TMEM40: variants seen among roughly 807,000 people sequenced by gnomAD.
TMEM40 encodes the protein transmembrane protein 40.
TMEM40 carries 34 observed loss-of-function variants against 40.8 expected under a neutral mutation model. The observed-to-expected ratio is 0.83, with a 90% CI of 0.63 to 1.11. The LOEUF (loss-of-function observed/expected upper bound fraction) is 1.11, where lower values mean the gene tolerates loss of function less well. Among genes scored for constraint, TMEM40 ranks in the 50% least tolerant of loss-of-function variants. The probability of loss-of-function intolerance (pLI) is 0.00; values close to 1 mark genes in which losing one functional copy is unlikely to be tolerated. For synonymous variants in TMEM40, 106 were observed against 107.0 expected (o/e 0.99, Z 0.06); for missense variants, 296 against 280.2 (o/e 1.06, Z -0.40).
At chr3:12,754,437 G>C (rs1018542091) in intron 1 of TMEM40, among the ~76,000 whole-genome samples, 2 of 152,222 alleles carry the variant, frequency 1.3e-5, no homozygotes, top group African/African-American at 2.4e-5. Context: ...TGGAAGGAAA[G>C]AAAATAGTGC....
intron 1 of TMEM40, among the ~76,000 whole-genome samples, chr3:12,750,697 C>T (rs956245167): frequency 3.3e-5 from 5 of 152,188 alleles, no homozygotes; most frequent in African/African-American, 9.7e-5. Flanking sequence ...ATCCTCCCAC[C>T]GCAGCCTCCT....
At chr3:12,764,093 A>G (rs2061584288), upstream of TMEM40, among the ~76,000 whole-genome samples, 1 of 151,784 alleles carries the variant, frequency 6.6e-6, no homozygotes, top group Non-Finnish European at 1.5e-5. Context: ...TTGTATTTTT[A>G]GTAGAGACGG....
At chr3:12,748,074 G>A (rs1221967791) in intron 3 of TMEM40, among the ~76,000 whole-genome samples, 1 of 152,130 alleles carries the variant, frequency 6.6e-6, no homozygotes, top group Non-Finnish European at 1.5e-5. Flanking sequence ...CCTGGGAGGG[G>A]AAGACCATAA....
At chr3:12,744,069 C>T (rs2061407620) in intron 3 of TMEM40, 80 bp from the exon 4 acceptor site, 7 of 1,433,354 alleles carry the variant, frequency 4.9e-6, no homozygotes, top group Middle Eastern at 2.1e-4. Flanking sequence ...TGGCCATTCT[C>T]AGAATTTAGT....
rs56739791 is a variant in TMEM40, at chr3:12,753,211, CTTTTTTTTTT to C, written c.-8-3381_-8-3372del. 3.3e-4 allele frequency among the ~76,000 whole-genome samples: 25 copies of C among 76,308 alleles called. No homozygotes were observed. The South Asian group carries it at 7.8e-3, about 24-fold the overall frequency. The allele number at this position is 76,308 out of a possible 152,430, so 50.1% of individuals were successfully genotyped here. ...GCCTTTTTTCTTTCTTTCTTTCTTT[CTTTTTTTTTT>C]TTTTTTTTTTTTTTTGAGACAGGGT... On this transcript the variant is annotated intron_variant, in intron 1 of 11. Coordinates refer to ENST00000314124, the MANE Select transcript of TMEM40 (RefSeq NM_018306.4).
intron 1 of TMEM40, among the ~76,000 whole-genome samples, chr3:12,754,243 T>C (rs58350672): frequency 0.098 from 14,773 of 151,374 alleles, 741 homozygotes; most frequent in Middle Eastern, 0.11. Flanking sequence ...ACCCGGGAGG[T>C]GGAGCTGGCA....
intron 5 of TMEM40, among the ~76,000 whole-genome samples, chr3:12,741,767 CAA>C (rs59665318): frequency 0.34 from 42,110 of 125,624 alleles, 5,910 homozygotes; most frequent in Non-Finnish European, 0.4. Context: ...GTTTTTGTAA[CAA>C]AAAAAAAAAA....
At chr3:12,747,681 G>A (rs1032382631) in intron 3 of TMEM40, among the ~76,000 whole-genome samples, 4 of 151,974 alleles carry the variant, frequency 2.6e-5, no homozygotes, top group African/African-American at 9.7e-5. Flanking sequence ...AGGCCGAGGT[G>A]GGCAGATCAC....
At chr3:12,769,338 A>G (rs7619736) in exon 1 of TMEM40, 27,186 of 290,002 alleles carry the variant, frequency 0.094, 1,405 homozygotes, top group African/African-American at 0.13. Flanking sequence ...AGGGCTCCTC[A>G]AGTGCGGCCA....
Position 12,734,743 on chromosome 3 carries a change from G to C in TMEM40, c.*31C>G. The C allele has an allele frequency of 6.3e-7, 1 of 1,585,018 alleles. No homozygotes were observed. The highest frequency in any genetic ancestry group is 1.3e-5 in the African/African-American group (1 of 74,314). On this transcript the variant is annotated 3_prime_UTR_variant, in exon 12 of 12. Transcript: ENST00000314124. The stretch of plus-strand genomic sequence containing the variant: ...GGGTCGCAGTGGTGGTCACACTGGG[G>C]CCTGCCTCTGCTGCCCACCTGGAAG...
chr3:12,737,901 G>T (rs1027863157), intron 7 of TMEM40, 147 bp from the exon 8 acceptor site: 1 of 948,074 alleles, frequency 1.1e-6, no homozygotes, highest in Non-Finnish European at 1.7e-6. Flanking sequence ...AAACTGTGAA[G>T]ATGGGGGTAC....
At chr3:12,763,888 C>A (rs1318219996), upstream of TMEM40, among the ~76,000 whole-genome samples, 1 of 152,040 alleles carries the variant, frequency 6.6e-6, no homozygotes, top group Admixed American at 6.6e-5. Flanking sequence ...ACCCAGGAGC[C>A]TGGTTCTTTA....
chr3:12,742,568 C>G (rs1307489011), intron 4 of TMEM40, 61 bp from the exon 5 acceptor site: 1 of 1,583,338 alleles, frequency 6.3e-7, no homozygotes, highest in Non-Finnish European at 8.7e-7. Flanking sequence ...GGCCACTTCC[C>G]TCTCCCATGG....
upstream of TMEM40, among the ~76,000 whole-genome samples, chr3:12,760,332 G>A (rs2061560571): frequency 6.6e-6 from 1 of 152,086 alleles, no homozygotes; most frequent in Non-Finnish European, 1.5e-5. Context: ...TAAAACCCAA[G>A]GTCTTACAAG....
intron 1 of TMEM40, among the ~76,000 whole-genome samples, chr3:12,754,429 G>A (rs554073588): frequency 6.6e-6 from 1 of 152,360 alleles, no homozygotes; most frequent in East Asian, 1.9e-4. Flanking sequence ...AGATAATCTG[G>A]AAGGAAAGAA....
chr3:12,769,255 C>T lies in TMEM40; in HGVS notation c.-13G>A, dbSNP rs1198301631. On this transcript the variant is annotated 5_prime_UTR_variant, in exon 1 of 12. Coordinates refer to the TMEM40 transcript ENST00000264728. ...CCCGTGCCTTTCTCTCCATACCTCC[C>T]GGAAGGCTGAGGGAGCCGGCTCCGG... 7.2e-6 allele frequency: 3 copies of T among 418,882 alleles called. No homozygotes were observed. The Admixed American group carries it at 7.5e-5, about 10-fold the overall frequency. 25.9% of individuals were successfully genotyped at this position (418,882 alleles called of 1,614,324 possible).
At chr3:12,755,226 TCTC>T (rs1559533287) in intron 1 of TMEM40, among the ~76,000 whole-genome samples, 37 of 91,358 alleles carry the variant, frequency 4.0e-4, no homozygotes, top group African/African-American at 2.5e-3. Context: ...TCTCTCTCTC[TCTC>T]TCTCTCTTTC....
At chr3:12,744,789 T>C (rs1382510994) in intron 3 of TMEM40, among the ~76,000 whole-genome samples, 2 of 152,210 alleles carry the variant, frequency 1.3e-5, no homozygotes, top group African/African-American at 4.8e-5. Flanking sequence ...CAGTCAGTCA[T>C]GGGTCAATTT....
rs200729047 is a variant in TMEM40 at position 12,754,992 on chromosome 3, CTCTT to C, written c.-9+4195_-9+4198del. ...CTCTTTTTTCTTTCCTTTTCTTTTTCTCTTTCTTTCTCTTCCTTCCTCTCTCTCC... is the reference window on the plus strand; with the variant it reads ...CTCTTTTTTCTTTCCTTTTCTTTTTCTCTTTCTCTTCCTTCCTCTCTCTCC... On this transcript the variant is annotated intron_variant, in intron 1 of 11. Transcript: ENST00000314124. Among the ~76,000 whole-genome samples, 1,154 of 144,346 alleles carry C rather than the reference CTCTT, an allele frequency of 8.0e-3. 9 individuals are homozygous for C. The highest frequency in any genetic ancestry group is 0.027 in the African/African-American group (1,059 of 39,082). 94.7% of individuals were successfully genotyped at this position (144,346 alleles called of 152,430 possible). A position where few individuals can be genotyped will look rare whatever the true frequency, so the allele number is the denominator to read the frequency against.
Sources: allele counts gnomAD v4.1 joint callset (sites outside exome capture counted in the v4.1 genomes callset), GRCh38; gene constraint gnomAD v4.1.1; transcripts MANE v1.5; gene names NCBI Gene and HGNC (gene_info 2026-07-23, HGNC 2026-07-21).